The following DPP6 variants were observed in gnomAD, a reference collection of about 807,000 sequenced individuals.
DPP6 encodes A-type potassium channel modulatory protein DPP6.
Under a neutral mutation model 122.6 loss-of-function variants are expected in DPP6, and 69 were observed. That is an observed-to-expected ratio of 0.56 (90% CI 0.46 to 0.69). The LOEUF (loss-of-function observed/expected upper bound fraction) is 0.69, where lower values mean the gene tolerates loss of function less well. DPP6 is among the 30% of genes least tolerant of loss of function. The pLI, the probability that DPP6 is intolerant of heterozygous loss-of-function variation, is 0.00. For missense variants in DPP6, 928 were observed against 1,116.9 expected (o/e 0.83, Z 2.41); for synonymous variants, 418 against 433.1 (o/e 0.97, Z 0.43).
chr7:154,309,615 G>T (rs1806681996), intron 1 of DPP6, among the ~76,000 whole-genome samples: 1 of 152,190 alleles, frequency 6.6e-6, no homozygotes. Flanking sequence ...GATACTGAAA[G>T]AGAGGATCTA....
chr7:154,802,144 C>G (rs1798407551), intron 13 of DPP6, among the ~76,000 whole-genome samples: 1 of 152,072 alleles, frequency 6.6e-6, no homozygotes, highest in Non-Finnish European at 1.5e-5. Context: ...GAAGCATGAT[C>G]TTGGATCTCC....
rs1025891713 is a variant in DPP6, at chr7:154,637,884, T to A, written c.680+11T>A. The A allele has an allele frequency of 6.4e-7, 1 of 1,561,512 alleles. No individual in the cohort carries two copies. The highest frequency in any genetic ancestry group is 1.9e-5 in the Admixed American group (1 of 51,912). On this transcript the variant is annotated intron_variant, in intron 6 of 25. Coordinates refer to ENST00000377770, the MANE Select transcript of DPP6 (RefSeq NM_130797.4). ...CAAAATTCCTCATGGGTAAGAGTGT[T>A]CTTTTCTTTCTTTTAATTAGAAATA...
rs1049086006 is a variant in DPP6 at position 154,760,163 on chromosome 7, G to C, written c.884-9254G>C. ...CTATTCCCAAGGAGACAGGCATCCAGCTCAACTCTGCCTCCCTGTGCTGGC... is the reference window on the plus strand; with the variant it reads ...CTATTCCCAAGGAGACAGGCATCCACCTCAACTCTGCCTCCCTGTGCTGGC... On this transcript the variant is annotated intron_variant, in intron 8 of 25. Coordinates refer to ENST00000377770, the MANE Select transcript of DPP6 (RefSeq NM_130797.4). The surrounding 1 kb of genome is among the most constrained non-coding windows in gnomAD (Gnocchi z 4.5). 1.3e-5 allele frequency among the ~76,000 whole-genome samples: 2 copies of C among 152,150 alleles called. No individual in the cohort carries two copies. The highest frequency in any genetic ancestry group is 4.8e-5 in the African/African-American group (2 of 41,430).
intron 23 of DPP6, among the ~76,000 whole-genome samples, chr7:154,887,958 T>G (rs1306692435): frequency 6.6e-6 from 1 of 152,088 alleles, no homozygotes; most frequent in African/African-American, 2.4e-5. Flanking sequence ...ATTATAGGAC[T>G]TGAGGGATGA....
chr7:154,429,018 CAAAAT>C (rs1333768294), intron 1 of DPP6, among the ~76,000 whole-genome samples: 1 of 151,968 alleles, frequency 6.6e-6, no homozygotes, highest in Non-Finnish European at 1.5e-5. Context: ...AAACATAAAA[CAAAAT>C]AAAGAGAATA....
At chr7:154,444,609 C>A (rs920355922) in intron 1 of DPP6, among the ~76,000 whole-genome samples, 6 of 152,130 alleles carry the variant, frequency 3.9e-5, no homozygotes, top group African/African-American at 7.2e-5. Flanking sequence ...ATCTTAACAG[C>A]GTTTGAGGAA....
intron 1 of DPP6, among the ~76,000 whole-genome samples, chr7:154,302,791 T>G (rs766137914): frequency 6.6e-6 from 1 of 152,162 alleles, no homozygotes; most frequent in Non-Finnish European, 1.5e-5. Context: ...GTACCGCTCC[T>G]CAGTTTAGGG....
At chr7:154,741,723 A>C (rs1201456550) in intron 8 of DPP6, among the ~76,000 whole-genome samples, 1 of 152,176 alleles carries the variant, frequency 6.6e-6, no homozygotes, top group Non-Finnish European at 1.5e-5. Context: ...AGGCCAGCTG[A>C]AGGATTTCAG....
At chr7:154,280,449 C>G (rs12532500) in intron 1 of DPP6, among the ~76,000 whole-genome samples, 61,275 of 152,024 alleles carry the variant, frequency 0.4, 14,273 homozygotes, top group Middle Eastern at 0.51. Flanking sequence ...CTGCAGCCTC[C>G]CCCTTCCATC....
At chr7:154,815,794 T>G (rs1166802381) in intron 16 of DPP6, among the ~76,000 whole-genome samples, 2 of 152,182 alleles carry the variant, frequency 1.3e-5, no homozygotes, top group African/African-American at 2.4e-5. Context: ...CTTTCAGTGT[T>G]GAGCCATGAT....
At chr7:154,590,374 A>G (rs1198876203) in intron 5 of DPP6, among the ~76,000 whole-genome samples, 1 of 151,358 alleles carries the variant, frequency 6.6e-6, no homozygotes, top group African/African-American at 2.4e-5. Context: ...TACATCTCCT[A>G]CAGCCTTACA....
chr7:154,005,024 G>C (rs941450987), intron 1 of DPP6, among the ~76,000 whole-genome samples: 1 of 152,038 alleles, frequency 6.6e-6, no homozygotes, highest in Non-Finnish European at 1.5e-5. Context: ...TTTTGAAAAT[G>C]AGGGTACAAT....
intron 1 of DPP6, among the ~76,000 whole-genome samples, chr7:154,021,396 C>T (rs1427271070): frequency 6.6e-6 from 1 of 152,148 alleles, no homozygotes; most frequent in African/African-American, 2.4e-5. Flanking sequence ...TGTGCTACTT[C>T]AGTGTCTGCT....
intron 1 of DPP6, among the ~76,000 whole-genome samples, chr7:154,082,506 C>G (rs1466241547): frequency 1.3e-5 from 2 of 151,874 alleles, no homozygotes; most frequent in Non-Finnish European, 2.9e-5. Flanking sequence ...CACCTAATTT[C>G]AACAACACAA....
chr7:154,785,236 A>G (rs1455956140), intron 10 of DPP6, among the ~76,000 whole-genome samples: 1 of 152,214 alleles, frequency 6.6e-6, no homozygotes, highest in Non-Finnish European at 1.5e-5. Flanking sequence ...ATAGTGAAAA[A>G]CAACAGTCTC....
At chr7:154,798,063 T>C (rs528351600) in intron 12 of DPP6, among the ~76,000 whole-genome samples, 1 of 152,312 alleles carries the variant, frequency 6.6e-6, no homozygotes, top group East Asian at 1.9e-4. Flanking sequence ...TGATTCTTTG[T>C]TGGGGGCAGG....
chr7:154,090,985 G>A (rs1297877265), intron 1 of DPP6, among the ~76,000 whole-genome samples: 1 of 151,202 alleles, frequency 6.6e-6, no homozygotes, highest in East Asian at 1.9e-4. Flanking sequence ...GCCAGGCGTG[G>A]TGGCGGGTGC....
At chr7:153,904,564 C>A (rs967792640) in intron 1 of DPP6, among the ~76,000 whole-genome samples, 3 of 152,156 alleles carry the variant, frequency 2.0e-5, no homozygotes, top group Admixed American at 2.0e-4. Flanking sequence ...TTACCCTAAT[C>A]ATTTCTTGAA....
At chr7:153,935,311 C>T (rs999466550) in intron 1 of DPP6, among the ~76,000 whole-genome samples, 19 of 152,074 alleles carry the variant, frequency 1.2e-4, no homozygotes, top group African/African-American at 3.4e-4. Flanking sequence ...AGAGGGATGC[C>T]GGTCACCACA....
Sources: allele counts gnomAD v4.1 joint callset (sites outside exome capture counted in the v4.1 genomes callset), GRCh38; gene constraint gnomAD v4.1.1; non-coding constraint Gnocchi (gnomAD v3.1); transcripts MANE v1.5; gene names NCBI Gene and HGNC (gene_info 2026-07-23, HGNC 2026-07-21).